The following DDX39A variants were observed in gnomAD, a reference collection of about 807,000 sequenced individuals.
DDX39A encodes ATP-dependent RNA helicase DDX39A.
A neutral mutation model predicts 46.3 loss-of-function variants in DDX39A; 13 were observed. The ratio of observed to expected loss-of-function variants is 0.28; its 90% CI spans 0.18 to 0.45. The LOEUF is 0.45. Ranked by LOEUF, DDX39A falls within the 20% of genes least tolerant of loss-of-function variation. DDX39A has a pLI of 1.00. For synonymous variants in DDX39A, 234 were observed against 224.6 expected (o/e 1.04, Z -0.38); for missense variants, 352 against 581.8 (o/e 0.61, Z 4.06).
intron 1 of DDX39A, 67 bp from the exon 2 acceptor site, chr19:14,413,291 G>A (rs908199453): frequency 1.7e-5 from 24 of 1,411,034 alleles, no homozygotes; most frequent in Admixed American, 2.1e-5. Context: ...CATTCAAATG[G>A]CATTCTCTGC....
chr19:14,418,890 T>A (rs192562956), intron 1 of DDX39A: 19 of 455,790 alleles, frequency 4.2e-5, no homozygotes, highest in Non-Finnish European at 8.4e-5. Flanking sequence ...AACTGAAAGC[T>A]CCAACTTCTC....
chr19:14,415,943 G>A, intron 1 of DDX39A: 2 of 167,610 alleles, frequency 1.2e-5, no homozygotes, highest in Non-Finnish European at 2.6e-5. Context: ...TGTGGTGGCG[G>A]GTACCTGTAA....
chr19:14,410,736 C>A lies in DDX39A; in HGVS notation c.613+253G>T. The A allele has an allele frequency of 3.8e-6, 2 of 531,884 alleles. No homozygotes were observed. The highest frequency in any genetic ancestry group is 3.4e-6 in the Non-Finnish European group (1 of 295,458). The allele number at this position is 531,884 out of a possible 1,614,324, so 32.9% of individuals were successfully genotyped here. A position where few individuals can be genotyped will look rare whatever the true frequency, so the allele number is the denominator to read the frequency against. On this transcript the variant is annotated intron_variant, in intron 5 of 10. Transcript: ENST00000242776. This position sits in a 1 kb window ranked among gnomAD's most constrained non-coding sequence, Gnocchi z 4.3. ...GAACCAACCCAACAGGTGGCAGAAG[C>A]CTCATACTCCCAGAGGTATGTGTGC... is the stretch of plus-strand genomic sequence containing the variant.
chr19:14,417,887 G>C (rs1976876007), intron 1 of DDX39A, among the ~76,000 whole-genome samples: 1 of 151,310 alleles, frequency 6.6e-6, no homozygotes, highest in African/African-American at 2.4e-5. Flanking sequence ...AAAGAAATTG[G>C]GGCCCAGCGT....
chr19:14,417,088 T>C (rs1029915971), intron 1 of DDX39A, among the ~76,000 whole-genome samples: 2 of 151,952 alleles, frequency 1.3e-5, no homozygotes, highest in African/African-American at 2.4e-5. Flanking sequence ...ACTCCTCCGA[T>C]GAAGGGGTAG....
rs776088660 is a variant in DDX39A, at chr19:14,409,617, C to T, written c.893G>A (p.Arg298His). 16 of 1,611,340 alleles carry T rather than the reference C, an allele frequency of 9.9e-6. No individual in the cohort carries two copies. The highest frequency in any genetic ancestry group is 1.3e-5 in the Non-Finnish European group (15 of 1,178,760). Residue 298 changes from arginine to histidine, a missense_variant, in exon 8 of 11, where the codon CGC becomes CAC. Physicochemically the swap from Arg to His is conservative, Grantham distance 29 (BLOSUM62 0). This residue lies in a region of DDX39A where 301 missense variants were observed against 469.9 expected (regional missense o/e 0.64). Coordinates refer to ENST00000242776, the MANE Select transcript of DDX39A (RefSeq NM_005804.4). The surrounding 1 kb of genome is among the most constrained non-coding windows in gnomAD (Gnocchi z 8.3). ...GAGGAGCTGGGCCAGGGCCATGCAG[C>T]GCTGCACTGACTTGACGAAGATTAT... ...QVIIFVKSVQ[R>H]CMALAQLLVE...
rs749790285 is a variant in DDX39A, at chr19:14,409,630, T to G, written c.880A>C (p.Lys294Gln). Residue 294 changes from lysine to glutamine, a missense_variant, in exon 8 of 11, where the codon AAG becomes CAG. By Grantham distance (53) the Lys-to-Gln change is moderately conservative. Coordinates refer to ENST00000242776, the MANE Select transcript of DDX39A (RefSeq NM_005804.4). The surrounding 1 kb of genome is among the most constrained non-coding windows in gnomAD (Gnocchi z 8.3). ...LEFNQVIIFV[K>Q]SVQRCMALAQ... Reference sequence around the variant, plus strand: ...AGGGCCATGCAGCGCTGCACTGACTTGACGAAGATTATCACCTGAGGGAAG... The same window carrying G: ...AGGGCCATGCAGCGCTGCACTGACTGGACGAAGATTATCACCTGAGGGAAG... The G allele has an allele frequency of 6.2e-7, 1 of 1,610,388 alleles. No individual in the cohort carries two copies. The highest frequency in any genetic ancestry group is 2.2e-5 in the East Asian group (1 of 44,794).
In DDX39A at chr19:14,409,781, G is replaced by C. The variant is rs756399705; in HGVS notation, c.825C>G (p.Arg275=). 5.0e-6 allele frequency: 8 copies of C among 1,614,064 alleles called. No individual in the cohort carries two copies. In the East Asian group the frequency reaches 1.8e-4, roughly 36 times the overall value. The change falls in exon 7 of 11, where the codon CGC becomes CGG. Residue 275 remains arginine, a synonymous_variant. Transcript: ENST00000242776. The surrounding 1 kb of genome is among the most constrained non-coding windows in gnomAD (Gnocchi z 8.3). The part of the protein sequence containing the change: ...YVKLKDSEKN[R]KLFDLLDVLE... ...GCACATCCAAGAGATCAAAGAGCTTGCGGTTCTTCTCACTGTCTTTGAGTT... is the reference window on the plus strand; with the variant it reads ...GCACATCCAAGAGATCAAAGAGCTTCCGGTTCTTCTCACTGTCTTTGAGTT...
rs1271152081 is a variant in DDX39A, at chr19:14,408,886, G to A, written c.*50C>T. 1.4e-5 allele frequency: 21 copies of A among 1,544,726 alleles called. No individual in the cohort carries two copies. The highest frequency in any genetic ancestry group is 1.6e-5 in the Non-Finnish European group (18 of 1,145,492). The stretch of plus-strand genomic sequence containing the variant: ...CAACAGTGGCGCCTGGAAAGGGGAG[G>A]TGAAGCTGCATGCGGGCGGCTCCGG... On this transcript the variant is annotated 3_prime_UTR_variant, in exon 11 of 11. Coordinates refer to ENST00000242776, the MANE Select transcript of DDX39A (RefSeq NM_005804.4).
At chr19:14,418,120 CAAAAA>C (rs60701169) in intron 1 of DDX39A, among the ~76,000 whole-genome samples, 11 of 52,344 alleles carry the variant, frequency 2.1e-4, no homozygotes, top group Admixed American at 5.5e-4. Context: ...GGCTCTGTCT[CAAAAA>C]AAAAAAAAAA....
At chr19:14,417,341 C>CCCGG (rs1375968892) in intron 1 of DDX39A, among the ~76,000 whole-genome samples, 2 of 151,998 alleles carry the variant, frequency 1.3e-5, no homozygotes, top group Non-Finnish European at 2.9e-5. Flanking sequence ...TTGGGGCAGG[C>CCCGG]CCGGCATGGT....
upstream of DDX39A, chr19:14,419,365 C>A (rs953832862): frequency 4.7e-6 from 1 of 214,246 alleles, no homozygotes. Context: ...CTTCCTGCCT[C>A]TTGCGTCGGG....
In DDX39A at chr19:14,411,399, G is replaced by T; in HGVS notation, c.429+107C>A. ...GCAAAAACCACCGCAAACCTCAAAG[G>T]CAGCTGCCCCTGCCAAGCTTGGTAA... On this transcript the variant is annotated intron_variant, in intron 4 of 10. Coordinates refer to ENST00000242776, the MANE Select transcript of DDX39A (RefSeq NM_005804.4). This position sits in a 1 kb window ranked among gnomAD's most constrained non-coding sequence, Gnocchi z 4.1. The T allele has an allele frequency of 1.7e-6, 2 of 1,191,540 alleles. No homozygotes were observed. Among genetic ancestry groups the T allele is most frequent in the Non-Finnish European group, 2.5e-6 (2 of 813,134 alleles). The allele number at this position is 1,191,540 out of a possible 1,614,324, so 73.8% of individuals were successfully genotyped here.
chr19:14,414,878 T>C (rs893016048), intron 1 of DDX39A, among the ~76,000 whole-genome samples: 3 of 146,302 alleles, frequency 2.1e-5, no homozygotes, highest in African/African-American at 7.6e-5. Context: ...GGCAGAAAAA[T>C]TGCTTAAACC....
Position 14,409,979 on chromosome 19 carries a change from GACCTGC to G in DDX39A, c.733-112_733-107del. ...CTCCTTTGTGCGACACTTCCCAGAG[GACCTGC>G]TGCACCAGACCTCAGTAAACATCGC... is the stretch of plus-strand genomic sequence containing the variant. On this transcript the variant is annotated intron_variant, in intron 6 of 10. Transcript: ENST00000242776. This position sits in a 1 kb window ranked among gnomAD's most constrained non-coding sequence, Gnocchi z 8.3. 1 of 1,414,364 alleles carries G rather than the reference GACCTGC, an allele frequency of 7.1e-7. No individual in the cohort carries two copies. Among genetic ancestry groups the G allele is most frequent in the Non-Finnish European group, 9.9e-7 (1 of 1,009,400 alleles). The allele number at this position is 1,414,364 out of a possible 1,614,324, so 87.6% of individuals were successfully genotyped here.
chr19:14,413,160 C>T lies in DDX39A; in HGVS notation c.61G>A (p.Ala21Thr). Residue 21 changes from alanine to threonine, a missense_variant, in exon 2 of 11, where the codon GCT (alanine) becomes ACT (threonine). Coordinates refer to ENST00000242776, the MANE Select transcript of DDX39A (RefSeq NM_005804.4). ...LDYDEEEEPQ[A>T]PQESTPAPPK... ...GGAGCTGGTGTGCTCTCTTGAGGAG[C>T]CTGGGGCTCTTCCTCTTCATCGTAA... 1 of 1,614,050 alleles carries T rather than the reference C, an allele frequency of 6.2e-7. No individual in the cohort carries two copies. The highest frequency in any genetic ancestry group is 8.5e-7 in the Non-Finnish European group (1 of 1,179,986).
In DDX39A at chr19:14,412,294, G is replaced by A; in HGVS notation, c.336+257C>T. 2 of 432,888 alleles carry A rather than the reference G, an allele frequency of 4.6e-6. No homozygotes were observed. The highest frequency in any genetic ancestry group is 8.3e-6 in the Non-Finnish European group (2 of 242,224). 26.8% of individuals were successfully genotyped at this position (432,888 alleles called of 1,614,324 possible). A position where few individuals can be genotyped will look rare whatever the true frequency, so the allele number is the denominator to read the frequency against. ...AGGGGCAAACTGTGGGCACTTTCCA[G>A]TTATTTTGGCTTATTGGCAATTTCT... On this transcript the variant is annotated intron_variant, in intron 3 of 10. Transcript: ENST00000242776. The surrounding 1 kb of genome is among the most constrained non-coding windows in gnomAD (Gnocchi z 4.4).
intron 1 of DDX39A, among the ~76,000 whole-genome samples, chr19:14,418,242 A>G (rs1490994142): frequency 6.6e-6 from 1 of 151,662 alleles, no homozygotes; most frequent in African/African-American, 2.4e-5. Flanking sequence ...AAAACTGATT[A>G]GATCAGGAAA....
Position 14,409,072 on chromosome 19 carries a change from G to C in DDX39A, c.1232C>G (p.Ala411Gly). 6.2e-7 allele frequency: 1 copy of C among 1,614,170 alleles called. No individual in the cohort carries two copies. The highest frequency in any genetic ancestry group is 8.5e-7 in the Non-Finnish European group (1 of 1,180,020). Residue 411 changes from alanine to glycine, a missense_variant, in exon 10 of 11, where the codon GCA becomes GGA. By Grantham distance (60) the Ala-to-Gly change is moderately conservative. Transcript: ENST00000242776. This position sits in a 1 kb window ranked among gnomAD's most constrained non-coding sequence, Gnocchi z 8.3. ...DVQDRFEVNVAELPEEIDIST... is the reference protein window; with the variant it reads ...DVQDRFEVNVGELPEEIDIST... ...GATGTCGATTTCCTCTGGAAGTTCTGCCACATTAACTTCAAACCGGTCCTG... is the reference window on the plus strand; with the variant it reads ...GATGTCGATTTCCTCTGGAAGTTCTCCCACATTAACTTCAAACCGGTCCTG...
Sources: gnomAD v4.1 joint callset for allele counts (sites outside exome capture counted in the v4.1 genomes callset) on GRCh38, gnomAD v4.1.1 for gene constraint, gnomAD v4.1.1 regional missense constraint, Gnocchi (gnomAD v3.1) non-coding constraint, MANE v1.5 for transcripts, NCBI Gene and HGNC (gene_info 2026-07-23, HGNC 2026-07-21) for gene names.